The following INPP4B variants were observed in gnomAD, a reference collection of about 807,000 sequenced individuals.
INPP4B encodes inositol polyphosphate-4-phosphatase type II B.
INPP4B carries 55 observed loss-of-function variants against 122.5 expected under a neutral mutation model. That is an observed-to-expected ratio of 0.45 (90% CI 0.36 to 0.56). The LOEUF is 0.56. Ranked by LOEUF, INPP4B falls within the 20% of genes least tolerant of loss-of-function variation. The pLI, the probability that INPP4B is intolerant of heterozygous loss-of-function variation, is 0.00. For synonymous variants in INPP4B, 403 were observed against 388.7 expected, an observed-to-expected ratio of 1.04 and a Z score of -0.43; for missense variants, 1,000 against 1,097.7, an observed-to-expected ratio of 0.91 and a Z score of 1.26.
intron 1 of INPP4B, among the ~76,000 whole-genome samples, chr4:142,730,824 T>C (rs535483771): frequency 2.6e-5 from 4 of 152,224 alleles, no homozygotes; most frequent in African/African-American, 4.8e-5. Context: ...ACCTGTTAAG[T>C]GCAGACACAA....
intron 2 of INPP4B, among the ~76,000 whole-genome samples, chr4:142,720,432 G>C (rs774173400): frequency 1.7e-4 from 26 of 151,926 alleles, no homozygotes; most frequent in Admixed American, 2.6e-4. Context: ...TATGGTTCCA[G>C]GTTTCCTCTT....
At chr4:142,644,326 CGAG>C (rs1442267014) in intron 2 of INPP4B, among the ~76,000 whole-genome samples, 1 of 150,610 alleles carries the variant, frequency 6.6e-6, no homozygotes, top group Non-Finnish European at 1.5e-5. Context: ...AGGAGGAGGG[CGAG>C]AAGGAGGAAA....
intron 21 of INPP4B, among the ~76,000 whole-genome samples, chr4:142,120,438 T>C (rs1796093361): frequency 6.6e-6 from 1 of 152,138 alleles, no homozygotes; most frequent in African/African-American, 2.4e-5. Flanking sequence ...CTAAACAATA[T>C]TGAGTCTTCT....
At chr4:142,683,311 A>G (rs1412586641) in intron 2 of INPP4B, among the ~76,000 whole-genome samples, 1 of 151,940 alleles carries the variant, frequency 6.6e-6, no homozygotes, top group African/African-American at 2.4e-5. Context: ...ACAGTGGAAC[A>G]AAACAAAGTA....
intron 2 of INPP4B, among the ~76,000 whole-genome samples, chr4:142,603,243 G>T (rs540855387): frequency 6.6e-6 from 1 of 152,178 alleles, no homozygotes; most frequent in Admixed American, 6.5e-5. Flanking sequence ...GGTGTGGGGG[G>T]AGGGAGAACA....
At position 142,193,246 on chromosome 4, in the gene INPP4B, G is replaced by A. The variant is rs114458923; in HGVS notation, c.1073-51C>T. ...GAACACTTTGCAAACATTTATCTCCGTCATGCTGTTTGCATTGAAGCATAC... is the reference window on the plus strand; with the variant it reads ...GAACACTTTGCAAACATTTATCTCCATCATGCTGTTTGCATTGAAGCATAC... On this transcript the variant is annotated intron_variant, in intron 14 of 25. Coordinates refer to ENST00000262992, the MANE Select transcript of INPP4B (RefSeq NM_001101669.3). The A allele has an allele frequency of 1.2e-3, 1,294 of 1,061,334 alleles. 15 individuals carry two copies. In the African/African-American group the frequency reaches 0.018, roughly 14 times the overall value. The allele number at this position is 1,061,334 out of a possible 1,614,324, so 65.7% of individuals were successfully genotyped here.
intron 10 of INPP4B, among the ~76,000 whole-genome samples, chr4:142,263,729 C>G: frequency 7.7e-6 from 1 of 129,988 alleles, no homozygotes; most frequent in East Asian, 2.5e-4. Context: ...CAGAGAAAGG[C>G]GATAGAAAGC....
chr4:142,671,310 A>G (rs1756957225), intron 2 of INPP4B, among the ~76,000 whole-genome samples: 2 of 152,176 alleles, frequency 1.3e-5, no homozygotes, highest in African/African-American at 4.8e-5. Context: ...ACAGAATTAC[A>G]TACAACCTTT....
At chr4:142,735,766 A>G (rs939830926) in intron 1 of INPP4B, among the ~76,000 whole-genome samples, 1 of 152,148 alleles carries the variant, frequency 6.6e-6, no homozygotes, top group African/African-American at 2.4e-5. Context: ...TTTATTTTAA[A>G]TGTATGTCCC....
intron 1 of INPP4B, among the ~76,000 whole-genome samples, chr4:142,787,818 A>T (rs1775961623): frequency 6.6e-6 from 1 of 152,138 alleles, no homozygotes; most frequent in African/African-American, 2.4e-5. Flanking sequence ...ATGGTAATTT[A>T]CAATAAGCAC....
intron 23 of INPP4B, among the ~76,000 whole-genome samples, chr4:142,092,008 T>C (rs934358962): frequency 2.6e-5 from 4 of 152,208 alleles, no homozygotes; most frequent in Non-Finnish European, 5.9e-5. Context: ...ATTTGTGTGA[T>C]CCATACCCCT....
At chr4:142,615,152 A>G (rs1389453629) in intron 2 of INPP4B, among the ~76,000 whole-genome samples, 1 of 152,176 alleles carries the variant, frequency 6.6e-6, no homozygotes, top group Non-Finnish European at 1.5e-5. Flanking sequence ...TTAAAAGGTT[A>G]GTTCTGAGTC....
At chr4:142,564,455 G>GAA (rs1731176894) in intron 2 of INPP4B, among the ~76,000 whole-genome samples, 2 of 116,596 alleles carry the variant, frequency 1.7e-5, no homozygotes, top group Non-Finnish European at 3.4e-5. Flanking sequence ...AAAAAAAAAA[G>GAA]AAAGAAAGAA....
chr4:142,570,584 T>C (rs1732583179), intron 2 of INPP4B, among the ~76,000 whole-genome samples: 1 of 152,056 alleles, frequency 6.6e-6, no homozygotes, highest in African/African-American at 2.4e-5. Context: ...TGATAAGAAA[T>C]CTAACACCCA....
In INPP4B at chr4:142,537,353, A is replaced by T. The variant is rs1421469796; in HGVS notation, c.-190-74627T>A. On this transcript the variant is annotated intron_variant, in intron 2 of 25. Coordinates refer to ENST00000262992, the MANE Select transcript of INPP4B (RefSeq NM_001101669.3). Reference sequence around the variant, plus strand: ...TGTCTAAGATGTTACTGAAATGAACAAAACAGAAAAAAAACCAGTTATCAG... The same window carrying T: ...TGTCTAAGATGTTACTGAAATGAACTAAACAGAAAAAAAACCAGTTATCAG... Among the ~76,000 whole-genome samples, 13 of 147,724 alleles carry T rather than the reference A, an allele frequency of 8.8e-5. No homozygotes were observed. In the South Asian group the frequency reaches 2.9e-3, roughly 32 times the overall value.
chr4:142,771,066 C>T (rs1185233146), intron 1 of INPP4B, among the ~76,000 whole-genome samples: 1 of 152,108 alleles, frequency 6.6e-6, no homozygotes, highest in Non-Finnish European at 1.5e-5. Flanking sequence ...ATAGGATGCT[C>T]ATTATCCAAG....
At chr4:142,061,663 T>C (rs1760690196) in intron 25 of INPP4B, among the ~76,000 whole-genome samples, 1 of 151,850 alleles carries the variant, frequency 6.6e-6, no homozygotes, top group Admixed American at 6.6e-5. Context: ...AATACACATA[T>C]ATCTCAGGAG....
At chr4:142,635,776 T>G (rs1443969627) in intron 2 of INPP4B, among the ~76,000 whole-genome samples, 6 of 152,050 alleles carry the variant, frequency 3.9e-5, no homozygotes, top group African/African-American at 1.4e-4. Flanking sequence ...AATACCTTGG[T>G]GATGAAATAA....
At position 142,803,823 on chromosome 4, in the gene INPP4B, G is replaced by A. The variant is rs929848318; in HGVS notation, c.-254+42386C>T. ...CTTGAGAAAATCACTTTGGGAGGCC[G>A]AGACAGGCGGATCACATGAGGTCAG... On this transcript the variant is annotated intron_variant, in intron 1 of 25. Coordinates refer to ENST00000262992, the MANE Select transcript of INPP4B (RefSeq NM_001101669.3). Among the ~76,000 whole-genome samples, 22 of 151,956 alleles carry A rather than the reference G, an allele frequency of 1.4e-4. 1 individual carries two copies. Among genetic ancestry groups the A allele is most frequent in the African/African-American group, 4.8e-4 (20 of 41,398 alleles).
Sources: gnomAD v4.1 joint callset for allele counts (sites outside exome capture counted in the v4.1 genomes callset) on GRCh38, gnomAD v4.1.1 for gene constraint, MANE v1.5 for transcripts, NCBI Gene and HGNC (gene_info 2026-07-23, HGNC 2026-07-21) for gene names.